Variants in ZMYM5 observed in about 807,000 individuals in gnomAD.
ZMYM5 encodes the protein zinc finger MYM-type containing 5.
ZMYM5 carries 41 observed loss-of-function variants against 61.8 expected under a neutral mutation model. That is an observed-to-expected ratio of 0.66 (90% CI 0.52 to 0.86). The LOEUF is 0.86. ZMYM5 is among the 40% of genes least tolerant of loss of function. ZMYM5 has a pLI of 0.00. For missense variants in ZMYM5, 706 were observed against 786.7 expected (o/e 0.90, Z 1.23); for synonymous variants, 257 against 276.4 (o/e 0.93, Z 0.70).
At chr13:19,841,058 G>A (rs1314925910) in intron 4 of ZMYM5, among the ~76,000 whole-genome samples, 17 of 147,932 alleles carry the variant, frequency 1.1e-4, no homozygotes, top group Non-Finnish European at 2.5e-4. Flanking sequence ...CCGCCTCCCA[G>A]GTTCAAGGGA....
chr13:19,824,766 G>T lies in ZMYM5; in HGVS notation c.1721C>A (p.Thr574Asn), dbSNP rs1653069250. Reference sequence around the variant, plus strand: ...TGAATAAAGTAACCAGGATCTAGTGGTTTTTTCACCATTTGGAAGAATCCG... The same window carrying T: ...TGAATAAAGTAACCAGGATCTAGTGTTTTTTTCACCATTTGGAAGAATCCG... Reference protein sequence around the residue: ...YTRILPNGEKTTRSWLLYSTS... With the variant: ...YTRILPNGEKNTRSWLLYSTS... The change falls in exon 8 of 8, where the codon ACC becomes AAC. Residue 574 changes from threonine (T) to asparagine (N), a missense_variant. By Grantham distance (65) the Thr-to-Asn change is moderately conservative. Coordinates refer to ENST00000337963, the MANE Select transcript of ZMYM5 (RefSeq NM_001142684.2). The T allele has an allele frequency of 2.0e-5, 27 of 1,360,068 alleles. No homozygotes were observed. Among genetic ancestry groups the T allele is most frequent in the Non-Finnish European group, 2.7e-5 (27 of 1,017,922 alleles). 84.3% of individuals were successfully genotyped at this position (1,360,068 alleles called of 1,614,324 possible). A position where few individuals can be genotyped will look rare whatever the true frequency, so the allele number is the denominator to read the frequency against.
intron 2 of ZMYM5, among the ~76,000 whole-genome samples, chr13:19,860,470 G>GTGTGTGTGTGTGTGTA (rs71070254): frequency 5.1e-5 from 7 of 136,388 alleles, no homozygotes; most frequent in East Asian, 2.3e-4. Flanking sequence ...GTGTGTGTGT[G>GTGTGTGTGTGTGTGTA]TATTTTTTTT....
rs1890805153 is a variant in ZMYM5, at chr13:19,824,407, T to C, written c.*70A>G. The C allele has an allele frequency of 8.2e-7, 1 of 1,223,918 alleles. No individual in the cohort carries two copies. The highest frequency in any genetic ancestry group is 1.0e-6 in the Non-Finnish European group (1 of 959,576). 75.8% of individuals were successfully genotyped at this position (1,223,918 alleles called of 1,614,324 possible). A position where few individuals can be genotyped will look rare whatever the true frequency, so the allele number is the denominator to read the frequency against. ...AGACTTACAACACAATAGTACTGAC[T>C]ATTGCAGGACAGATGTTTTCTGAGT... On this transcript the variant is annotated 3_prime_UTR_variant, in exon 8 of 8. Transcript: ENST00000337963.
chr13:19,839,872 G>T (rs1952805254), intron 4 of ZMYM5, among the ~76,000 whole-genome samples: 1 of 152,138 alleles, frequency 6.6e-6, no homozygotes, highest in African/African-American at 2.4e-5. Flanking sequence ...GGATTACTCA[G>T]GAAAAACTCA....
chr13:19,839,010 T>A, intron 4 of ZMYM5, 25 bp from the exon 5 acceptor site: 1 of 1,593,190 alleles, frequency 6.3e-7, no homozygotes, highest in Non-Finnish European at 8.5e-7. Context: ...AAGAAAAAAA[T>A]CATGGAACAA....
At chr13:19,844,290 A>G (rs1423844052) in intron 4 of ZMYM5, among the ~76,000 whole-genome samples, 3 of 152,202 alleles carry the variant, frequency 2.0e-5, no homozygotes, top group South Asian at 4.1e-4. Context: ...AGCCTGAGCG[A>G]AAGAGCCAGA....
chr13:19,846,474 C>T (rs1297878307), intron 4 of ZMYM5, among the ~76,000 whole-genome samples: 3 of 151,772 alleles, frequency 2.0e-5, no homozygotes, highest in African/African-American at 7.3e-5. Context: ...AAAATATGAG[C>T]TTTCAAGTGA....
chr13:19,862,206 T>C (rs765550082), intron 2 of ZMYM5, among the ~76,000 whole-genome samples, 193 bp downstream of exon 2: 3 of 152,080 alleles, frequency 2.0e-5, no homozygotes. Flanking sequence ...TCCAGTGGTA[T>C]AAATGTCAGC....
intron 1 of ZMYM5, among the ~76,000 whole-genome samples, chr13:19,862,667 C>T (rs1277277536): frequency 1.2e-4 from 19 of 152,258 alleles, no homozygotes; most frequent in Non-Finnish European, 1.5e-5. Flanking sequence ...AAAAGTGCTT[C>T]GTCCAACTGC....
At chr13:19,853,457 A>ATT (rs538605853) in intron 2 of ZMYM5, among the ~76,000 whole-genome samples, 1 of 149,656 alleles carries the variant, frequency 6.7e-6, no homozygotes, top group Non-Finnish European at 1.5e-5. Flanking sequence ...TCAATTTTCA[A>ATT]TTTTTTTTTT....
At chr13:19,840,826 C>T (rs1252073847) in intron 4 of ZMYM5, among the ~76,000 whole-genome samples, 3 of 151,994 alleles carry the variant, frequency 2.0e-5, no homozygotes, top group East Asian at 1.9e-4. Context: ...TACAAGCACC[C>T]GCCACCATGC....
At position 19,851,893 on chromosome 13, in the gene ZMYM5, A is replaced by G; in HGVS notation, c.288T>C (p.Tyr96=). The G allele has an allele frequency of 6.2e-7, 1 of 1,612,658 alleles. No homozygotes were observed. Among genetic ancestry groups the G allele is most frequent in the African/African-American group, 1.3e-5 (1 of 74,876 alleles). The change falls in exon 3 of 8, where the codon TAT becomes TAC. Residue 96 remains tyrosine (Y), a synonymous_variant. Coordinates refer to ENST00000337963, the MANE Select transcript of ZMYM5 (RefSeq NM_001142684.2). ...CTCTTGAAGAAGGAGGAATTACAGA[A>G]TAATTTCCTTGAGGCTTTTCATTTT... ...SSKNEKPQGN[Y]SVIPPSSRDL... is the part of the protein sequence containing the mutation.
Position 19,824,592 on chromosome 13 carries a change from CTA to C in ZMYM5, c.1893_1894del (p.Asn631LysfsTer3), listed in dbSNP as rs1206396852. On this transcript the variant is annotated frameshift_variant, in exon 8 of 8. Transcript: ENST00000337963. LOFTEE classifies it high-confidence loss of function. ...AGATTTTAATTTTGAGTACTTAACA[CTA>C]TTGTTGACGTGCATTTCACTTTCTT... The C allele has an allele frequency of 9.9e-6, 13 of 1,317,392 alleles. No homozygotes were observed. Among genetic ancestry groups the C allele is most frequent in the Non-Finnish European group, 1.3e-5 (13 of 996,172 alleles). 81.6% of individuals were successfully genotyped at this position (1,317,392 alleles called of 1,614,324 possible).
At position 19,825,151 on chromosome 13, in the gene ZMYM5, A is replaced by G; in HGVS notation, c.1336T>C (p.Tyr446His). The G allele has an allele frequency of 7.5e-7, 1 of 1,330,184 alleles. No homozygotes were observed. The highest frequency in any genetic ancestry group is 1.0e-6 in the Non-Finnish European group (1 of 1,004,532). 82.4% of individuals were successfully genotyped at this position (1,330,184 alleles called of 1,614,324 possible). A position where few individuals can be genotyped will look rare whatever the true frequency, so the allele number is the denominator to read the frequency against. ...AFREENEKQL[Y>H]GSSNTLLKKI... is the part of the protein sequence containing the mutation. ...TTCAAAAGTGTATTTGACGATCCAT[A>G]TAATTGTTTCTCATTTTCTTCTCTA... Residue 446 changes from tyrosine (Y) to histidine (H), a missense_variant, in exon 8 of 8, where the codon TAT (tyrosine) becomes CAT (histidine). Physicochemically the swap from Tyr to His is moderately conservative, Grantham distance 83. Transcript: ENST00000337963.
At chr13:19,848,763 G>C (rs1953176781) in intron 4 of ZMYM5, among the ~76,000 whole-genome samples, 1 of 151,906 alleles carries the variant, frequency 6.6e-6, no homozygotes, top group African/African-American at 2.4e-5. Flanking sequence ...TCAAAATCCT[G>C]ACTTCAAGTG....
chr13:19,857,241 G>C (rs1489130778), intron 2 of ZMYM5, among the ~76,000 whole-genome samples: 2 of 152,206 alleles, frequency 1.3e-5, no homozygotes, highest in Non-Finnish European at 2.9e-5. Flanking sequence ...TAGTCTTCTT[G>C]TGGTATCTTA....
chr13:19,835,374 A>G (rs1421291746), intron 7 of ZMYM5, 103 bp downstream of exon 7: 1 of 831,904 alleles, frequency 1.2e-6, no homozygotes, highest in Non-Finnish European at 1.7e-6. Flanking sequence ...ACAGAATGGC[A>G]AAATGGAATT....
At position 19,852,296 on chromosome 13, in the gene ZMYM5, C is replaced by G. The variant is rs1373728187; in HGVS notation, c.-10-106G>C. The G allele has an allele frequency of 2.5e-6, 3 of 1,203,118 alleles. No homozygotes were observed. The African/African-American group carries it at 4.6e-5, about 18-fold the overall frequency. 74.5% of individuals were successfully genotyped at this position (1,203,118 alleles called of 1,614,324 possible). On this transcript the variant is annotated intron_variant, in intron 2 of 7. Transcript: ENST00000337963. ...ATTTTTCAAATTATTTTTTGTGATA[C>G]CTGATATCCATTTTGTTTTTCCTCT... is the stretch of plus-strand genomic sequence containing the variant.
chr13:19,861,415 G>T (rs1953755946), intron 2 of ZMYM5, among the ~76,000 whole-genome samples: 1 of 152,156 alleles, frequency 6.6e-6, no homozygotes, highest in African/African-American at 2.4e-5. Context: ...GCCTCCCAAA[G>T]TGGTTGGATG....
Sources: allele counts gnomAD v4.1 joint callset (sites outside exome capture counted in the v4.1 genomes callset), GRCh38; gene constraint gnomAD v4.1.1; transcripts MANE v1.5; gene names NCBI Gene and HGNC (gene_info 2026-07-23, HGNC 2026-07-21).